DPH5: variants seen among roughly 807,000 people sequenced by gnomAD.
The protein encoded by DPH5 is diphthamide biosynthesis 5, also known as diphthine methyl ester synthase.
A neutral mutation model predicts 31.6 loss-of-function variants in DPH5; 31 were observed. The observed-to-expected ratio is 0.98, with a 90% confidence interval of 0.74 to 1.32. The LOEUF is 1.32. Among genes scored for constraint, DPH5 ranks in the 40% most tolerant of loss-of-function variants. DPH5 has a pLI of 0.00. For missense variants in DPH5, 309 were observed against 335.7 expected (o/e 0.92, Z 0.62); for synonymous variants, 120 against 115.0 (o/e 1.04, Z -0.28).
chr1:101,020,287 A>G (rs1017979332), intron 3 of DPH5, among the ~76,000 whole-genome samples: 1 of 152,116 alleles, frequency 6.6e-6, no homozygotes, highest in Non-Finnish European at 1.5e-5. Flanking sequence ...TCCAAACATC[A>G]TGTCTTTAAA....
Position 100,990,623 on chromosome 1 carries a change from C to T in DPH5, c.643G>A (p.Glu215Lys), listed in dbSNP as rs763019599. The change falls in exon 8 of 8, where the codon GAG becomes AAG. Residue 215 changes from glutamate (E) to lysine (K), a missense_variant. Coordinates refer to ENST00000370109, the MANE Select transcript of DPH5 (RefSeq NM_015958.3). ...GCTAAGCCAACACAAAGTGTCTCCT[C>T]GGTAACTGCTATTAAAAAAAAAAGA... ...RIRGEEPAVT[E>K]ETLCVGLARV... 3.7e-6 allele frequency: 6 copies of T among 1,613,712 alleles called. No homozygotes were observed. The East Asian group carries it at 8.9e-5, about 24-fold the overall frequency.
rs1394233258 is a variant in DPH5 at position 100,992,650 on chromosome 1, T to C, written c.621A>G (p.Arg207=). Residue 207 remains arginine (R), a synonymous_variant, in exon 7 of 8, where the codon CGA becomes CGG. Coordinates refer to ENST00000370109, the MANE Select transcript of DPH5 (RefSeq NM_015958.3). ...TGTCTTGAGTACCTGGTTCTTCTCCTCGTATTCTTTGATTTTGAACAATCT... is the reference window on the plus strand; with the variant it reads ...TGTCTTGAGTACCTGGTTCTTCTCCCCGTATTCTTTGATTTTGAACAATCT... ...LLEIVQNQRI[R]GEEPAVTEET... 6.2e-7 allele frequency: 1 copy of C among 1,613,726 alleles called. No homozygotes were observed. Among genetic ancestry groups the C allele is most frequent in the Admixed American group, 1.7e-5 (1 of 60,004 alleles).
chr1:101,017,670 AG>A (rs1558050188), intron 3 of DPH5, among the ~76,000 whole-genome samples: 9 of 152,246 alleles, frequency 5.9e-5, no homozygotes, highest in African/African-American at 2.2e-4. Context: ...ATGCATACCA[AG>A]TAGGAAGATA....
Position 100,990,633 on chromosome 1 carries a change from T to A in DPH5, c.635-2A>T. On this transcript the variant is annotated splice_acceptor_variant, in intron 7 of 7. Coordinates refer to ENST00000370109, the MANE Select transcript of DPH5 (RefSeq NM_015958.3). LOFTEE classifies it high-confidence loss of function. ...CACAAAGTGTCTCCTCGGTAACTGC[T>A]ATTAAAAAAAAAAGATACTGCTATT... 1 of 1,608,902 alleles carries A rather than the reference T, an allele frequency of 6.2e-7. No individual in the cohort carries two copies. Among genetic ancestry groups the A allele is most frequent in the Admixed American group, 1.7e-5 (1 of 58,416 alleles).
chr1:101,023,176 T>C (rs1038183038), intron 2 of DPH5: 8 of 151,924 alleles, frequency 5.3e-5, no homozygotes, highest in African/African-American at 1.9e-4. Context: ...CTAGGCAACA[T>C]AGCAAGACTC....
intron 4 of DPH5, among the ~76,000 whole-genome samples, chr1:101,009,962 G>A (rs1290828692): frequency 1.3e-5 from 2 of 152,014 alleles, no homozygotes; most frequent in Non-Finnish European, 2.9e-5. Flanking sequence ...GATTCATATC[G>A]AATCTCAAAT....
At chr1:101,021,940 T>G (rs577159424) in intron 2 of DPH5, among the ~76,000 whole-genome samples, 175 bp from the exon 3 acceptor site, 1 of 151,910 alleles carries the variant, frequency 6.6e-6, no homozygotes, top group Non-Finnish European at 1.5e-5. Flanking sequence ...AGCCAGTACT[T>G]TATGTCATGT....
intron 4 of DPH5, among the ~76,000 whole-genome samples, chr1:101,008,008 G>A (rs947795806): frequency 6.6e-6 from 1 of 152,038 alleles, no homozygotes; most frequent in African/African-American, 2.4e-5. Flanking sequence ...AAGTATATGT[G>A]TTTATAACTA....
At chr1:101,017,940 G>A (rs1378094086) in intron 3 of DPH5, among the ~76,000 whole-genome samples, 1 of 152,142 alleles carries the variant, frequency 6.6e-6, no homozygotes, top group Non-Finnish European at 1.5e-5. Flanking sequence ...AGTTATTTAA[G>A]CAAATGAAAA....
intron 3 of DPH5, 88 bp from the exon 4 acceptor site, chr1:101,013,906 G>A: frequency 9.9e-7 from 1 of 1,010,422 alleles, no homozygotes; most frequent in Non-Finnish European, 1.4e-6. Context: ...GTCAATTAAA[G>A]AGGCAGGAGC....
At chr1:101,013,588 G>A (rs1659850680) in intron 4 of DPH5, 122 bp downstream of exon 4, 1 of 667,580 alleles carries the variant, frequency 1.5e-6, no homozygotes. Context: ...ATACTAAGCA[G>A]CCTAGTATCA....
At chr1:100,992,849 G>GT (rs1657899902) in intron 6 of DPH5, 109 bp from the exon 7 acceptor site, 1 of 653,294 alleles carries the variant, frequency 1.5e-6, no homozygotes. Flanking sequence ...TCTACATTCT[G>GT]TTTGATGTTT....
chr1:101,023,837 TAA>T (rs1011138206), intron 2 of DPH5, among the ~76,000 whole-genome samples: 33 of 152,158 alleles, frequency 2.2e-4, no homozygotes, highest in African/African-American at 7.5e-4. Context: ...TTACCCCATT[TAA>T]AAAAGACACT....
intron 6 of DPH5, among the ~76,000 whole-genome samples, chr1:100,993,609 C>A: frequency 1.1e-5 from 1 of 88,112 alleles, no homozygotes. Context: ...GCTATTGTGG[C>A]TTACAACACA....
chr1:101,018,004 T>A (rs562740091), intron 3 of DPH5, among the ~76,000 whole-genome samples: 120 of 152,226 alleles, frequency 7.9e-4, no homozygotes, highest in Non-Finnish European at 1.4e-3. Flanking sequence ...AGTAGACACA[T>A]ACATATACAC....
chr1:101,017,612 C>T (rs1192079141), intron 3 of DPH5, among the ~76,000 whole-genome samples: 1 of 152,184 alleles, frequency 6.6e-6, no homozygotes. Flanking sequence ...GCAACATTAG[C>T]ATGTCTGAGA....
chr1:100,999,142 T>G (rs1195397710), intron 5 of DPH5, among the ~76,000 whole-genome samples: 3 of 152,224 alleles, frequency 2.0e-5, no homozygotes, highest in Non-Finnish European at 2.9e-5. Context: ...TAAAAATGTA[T>G]TATAATCTTT....
chr1:100,993,559 AATATATAT>A (rs10527775), intron 6 of DPH5, among the ~76,000 whole-genome samples: 636 of 56,530 alleles, frequency 0.011, 21 homozygotes, highest in African/African-American at 0.029. Context: ...CGAAAATATA[AATATATAT>A]ATATATATAT....
intron 4 of DPH5, chr1:101,011,796 T>C (rs887753027): frequency 6.6e-6 from 1 of 152,084 alleles, no homozygotes; most frequent in Admixed American, 6.6e-5. Context: ...ATATGAAATA[T>C]GGTAAAAATG....
Sources: allele counts gnomAD v4.1 joint callset (sites outside exome capture counted in the v4.1 genomes callset), GRCh38; gene constraint gnomAD v4.1.1; transcripts MANE v1.5; gene names NCBI Gene and HGNC (gene_info 2026-07-23, HGNC 2026-07-21).